KCNH1: variants seen among roughly 807,000 people sequenced by gnomAD.
KCNH1 encodes voltage-gated delayed rectifier potassium channel KCNH1.
Under a neutral mutation model 69.2 loss-of-function variants are expected in KCNH1, and 27 were observed. The observed-to-expected ratio is 0.39, with a 90% CI of 0.29 to 0.54. The LOEUF is 0.54. KCNH1 is among the 20% of genes least tolerant of loss of function. The pLI, the probability that KCNH1 is intolerant of heterozygous loss-of-function variation, is 0.68. For missense variants in KCNH1, 798 were observed against 1,261.6 expected (o/e 0.63, Z 5.57); for synonymous variants, 456 against 487.7 (o/e 0.93, Z 0.86).
At chr1:211,058,497 T>G (rs910941512) in intron 5 of KCNH1, among the ~76,000 whole-genome samples, 4 of 152,178 alleles carry the variant, frequency 2.6e-5, no homozygotes, top group Non-Finnish European at 4.4e-5. Flanking sequence ...TTTTCTGTTT[T>G]CTTGATTGTT....
intron 9 of KCNH1, among the ~76,000 whole-genome samples, chr1:210,779,471 T>G (rs1683932375): frequency 6.6e-6 from 1 of 152,088 alleles, no homozygotes; most frequent in Non-Finnish European, 1.5e-5. Context: ...ATGCTGGAAA[T>G]AATGACTTCC....
intron 9 of KCNH1, among the ~76,000 whole-genome samples, chr1:210,794,701 A>G (rs1019656366): frequency 1.3e-5 from 2 of 152,126 alleles, no homozygotes; most frequent in Non-Finnish European, 2.9e-5. Flanking sequence ...TCATGAAGGG[A>G]TGCCCTGAGC....
intron 1 of KCNH1, chr1:211,132,903 T>C (rs1691901605): frequency 6.6e-6 from 1 of 152,180 alleles, no homozygotes; most frequent in Non-Finnish European, 1.5e-5. Flanking sequence ...CCAGGACTCC[T>C]AGTCGCTCTG....
intron 3 of KCNH1, among the ~76,000 whole-genome samples, chr1:211,101,943 C>T (rs1416065): frequency 0.75 from 113,560 of 151,962 alleles, 42,792 homozygotes; most frequent in Non-Finnish European, 0.79. Context: ...GATGCCCAGG[C>T]TGACATGCCA....
chr1:211,060,400 C>CA (rs60620622), intron 5 of KCNH1, among the ~76,000 whole-genome samples: 14,935 of 44,536 alleles, frequency 0.34, 4,311 homozygotes, highest in African/African-American at 0.35. Context: ...GACTCCGTCT[C>CA]AAAAAAAAAA....
chr1:211,006,478 T>C (rs1305458006), intron 6 of KCNH1, among the ~76,000 whole-genome samples: 1 of 152,138 alleles, frequency 6.6e-6, no homozygotes, highest in African/African-American at 2.4e-5. Context: ...TTAATTTATA[T>C]GAAGATCAGA....
chr1:210,681,105 G>T lies in KCNH1; in HGVS notation c.*2176C>A, dbSNP rs1352134486. Reference sequence around the variant, plus strand: ...AGGCTGGGTTTTGGGGGTGATTAGAGGCCTGCCCTGCCTTAAAAGTGGTGG... The same window carrying T: ...AGGCTGGGTTTTGGGGGTGATTAGATGCCTGCCCTGCCTTAAAAGTGGTGG... On this transcript the variant is annotated 3_prime_UTR_variant, in exon 11 of 11. Coordinates refer to ENST00000271751, the MANE Select transcript of KCNH1 (RefSeq NM_172362.3). 6.6e-6 allele frequency: 1 copy of T among 152,206 alleles called. No homozygotes were observed. The highest frequency in any genetic ancestry group is 1.9e-4 in the East Asian group (1 of 5,198). 9.4% of individuals were successfully genotyped at this position (152,206 alleles called of 1,614,324 possible).
At chr1:210,962,936 T>C (rs1688324301) in intron 6 of KCNH1, among the ~76,000 whole-genome samples, 1 of 151,178 alleles carries the variant, frequency 6.6e-6, no homozygotes, top group Non-Finnish European at 1.5e-5. Flanking sequence ...GTTTCGTATG[T>C]TGGTAGTCAT....
intron 9 of KCNH1, among the ~76,000 whole-genome samples, chr1:210,785,261 T>TA (rs1684071698): frequency 6.6e-6 from 1 of 152,018 alleles, no homozygotes; most frequent in African/African-American, 2.4e-5. Flanking sequence ...ATGAAATAAA[T>TA]AGACAATTTT....
chr1:211,014,481 C>T (rs948375701), intron 6 of KCNH1, among the ~76,000 whole-genome samples: 1 of 152,326 alleles, frequency 6.6e-6, no homozygotes, highest in East Asian at 1.9e-4. Flanking sequence ...CAAGTTTAGC[C>T]AAAGGGATCA....
At position 210,775,564 on chromosome 1, in the gene KCNH1, A is replaced by G; in HGVS notation, c.1916-20T>C. ...CTTTTCCTAAGGAGAGAAGGTTGTC[A>G]TGAGGAAAGTGTTGGCCAGGAGAGG... On this transcript the variant is annotated intron_variant, in intron 9 of 10. Transcript: ENST00000271751. The G allele has an allele frequency of 6.2e-7, 1 of 1,604,750 alleles. No individual in the cohort carries two copies. Among genetic ancestry groups the G allele is most frequent in the Middle Eastern group, 1.8e-4 (1 of 5,502 alleles).
At chr1:210,774,399 A>G (rs1683820103) in intron 10 of KCNH1, among the ~76,000 whole-genome samples, 1 of 152,178 alleles carries the variant, frequency 6.6e-6, no homozygotes, top group Admixed American at 6.5e-5. Context: ...GCGCTTAGGC[A>G]GAACCAACAG....
intron 7 of KCNH1, among the ~76,000 whole-genome samples, chr1:210,862,532 C>T (rs1686001585): frequency 6.6e-6 from 1 of 152,274 alleles, no homozygotes; most frequent in Non-Finnish European, 1.5e-5. Flanking sequence ...TAGGGTCTCA[C>T]TATGTTGCCC....
chr1:210,784,356 C>G (rs1684051302), intron 9 of KCNH1, among the ~76,000 whole-genome samples: 2 of 152,178 alleles, frequency 1.3e-5, no homozygotes, highest in African/African-American at 4.8e-5. Context: ...CTTATTTTAT[C>G]TGCTACAGTT....
chr1:210,965,725 A>G (rs1217647709), intron 6 of KCNH1, among the ~76,000 whole-genome samples: 2 of 152,214 alleles, frequency 1.3e-5, no homozygotes, highest in Admixed American at 6.5e-5. Flanking sequence ...GCTCAAGGAA[A>G]TAAGAGAGGA....
chr1:210,952,230 A>G (rs1160306224), intron 6 of KCNH1, among the ~76,000 whole-genome samples: 1 of 152,210 alleles, frequency 6.6e-6, no homozygotes, highest in Non-Finnish European at 1.5e-5. Flanking sequence ...ATCTCTGGCC[A>G]TAAACCCCTT....
chr1:210,792,423 G>A (rs1684228291), intron 9 of KCNH1, among the ~76,000 whole-genome samples: 1 of 152,130 alleles, frequency 6.6e-6, no homozygotes, highest in Non-Finnish European at 1.5e-5. Flanking sequence ...AATAGCCTCT[G>A]GTGCTTTCTT....
At chr1:210,925,249 A>G (rs1558528060) in intron 6 of KCNH1, among the ~76,000 whole-genome samples, 1 of 152,256 alleles carries the variant, frequency 6.6e-6, no homozygotes, top group Non-Finnish European at 1.5e-5. Flanking sequence ...AAGATGGCAG[A>G]TAGGAGGCAG....
chr1:210,828,815 G>T (rs1184534892), intron 7 of KCNH1, among the ~76,000 whole-genome samples: 4 of 152,186 alleles, frequency 2.6e-5, no homozygotes, highest in African/African-American at 9.7e-5. Context: ...GACAGCAGCA[G>T]CTAATGCTCT....
Sources: allele counts gnomAD v4.1 joint callset (sites outside exome capture counted in the v4.1 genomes callset), GRCh38; gene constraint gnomAD v4.1.1; transcripts MANE v1.5; gene names NCBI Gene and HGNC (gene_info 2026-07-23, HGNC 2026-07-21).